P4HA2: variants seen among roughly 807,000 people sequenced by gnomAD.
The protein encoded by P4HA2 is prolyl 4-hydroxylase subunit alpha 2.
A neutral mutation model predicts 76.9 loss-of-function variants in P4HA2; 46 were observed. The ratio of observed to expected loss-of-function variants is 0.60; its 90% CI spans 0.47 to 0.76. P4HA2 has a LOEUF of 0.76. Among genes scored for constraint, P4HA2 ranks in the 30% least tolerant of loss-of-function variants. The pLI is 0.00. For missense variants in P4HA2, 583 were observed against 669.4 expected, an observed-to-expected ratio of 0.87 and a Z score of 1.42; for synonymous variants, 243 against 254.0, an observed-to-expected ratio of 0.96 and a Z score of 0.41.
At chr5:132,196,238 A>G (rs1750627281) in intron 12 of P4HA2, among the ~76,000 whole-genome samples, 1 of 152,192 alleles carries the variant, frequency 6.6e-6, no homozygotes, top group Non-Finnish European at 1.5e-5. Flanking sequence ...TACTTGACAG[A>G]CATATGGTAA....
intron 7 of P4HA2, among the ~76,000 whole-genome samples, chr5:132,208,362 G>GGGA: frequency 1.1e-5 from 1 of 93,544 alleles, no homozygotes; most frequent in Non-Finnish European, 2.2e-5. Context: ...AGGGAGGGAG[G>GGGA]GAGGGGAGGA....
intron 10 of P4HA2, chr5:132,201,699 C>T (rs1195880924): frequency 6.6e-6 from 1 of 152,218 alleles, no homozygotes; most frequent in Non-Finnish European, 1.5e-5. Context: ...AGAGGTCTGG[C>T]ATTCGGGCCC....
Position 132,210,450 on chromosome 5 carries a change from G to A in P4HA2, c.543C>T (p.Asp181=), listed in dbSNP as rs754432042. 9.9e-6 allele frequency: 16 copies of A among 1,613,986 alleles called. No individual in the cohort carries two copies. In the South Asian group the frequency reaches 1.6e-4, roughly 17 times the overall value. ...GMGRSAYNEG[D]YYHTVLWMEQ... ...CCATCCACAACACCGTATGATAATA[G>A]TCCCCTTCATTGTAGGCCGAGCGGC... The change falls in exon 6 of 15, where the codon GAC becomes GAT. Residue 181 remains aspartate (D), a synonymous_variant. Transcript: ENST00000360568.
At chr5:132,213,451 G>C (rs1753376404) in intron 5 of P4HA2, among the ~76,000 whole-genome samples, 1 of 152,188 alleles carries the variant, frequency 6.6e-6, no homozygotes, top group Non-Finnish European at 1.5e-5. Context: ...GTTAAGATGA[G>C]CAAGAATAGA....
chr5:132,208,431 AGGAGAGGGGGGAAT>A (rs1351125060), intron 7 of P4HA2, among the ~76,000 whole-genome samples: 8 of 3,298 alleles, frequency 2.4e-3, no homozygotes, highest in East Asian at 7.8e-3. Flanking sequence ...GGGGGAGGGG[AGGAGAGGGGGGAAT>A]GGGGGGAGGG....
chr5:132,208,165 T>C (rs1003459441), intron 7 of P4HA2, among the ~76,000 whole-genome samples: 4 of 150,926 alleles, frequency 2.7e-5, no homozygotes, highest in African/African-American at 9.8e-5. Context: ...TGATGGTGCA[T>C]ACCTGTAGTC....
intron 10 of P4HA2, chr5:132,202,704 A>C (rs1381638860): frequency 2.0e-5 from 3 of 152,226 alleles, no homozygotes; most frequent in Admixed American, 1.3e-4. Context: ...ATACTTTAAT[A>C]AGGAGCTTTA....
intron 8 of P4HA2, among the ~76,000 whole-genome samples, chr5:132,205,230 C>A (rs545250053): frequency 5.1e-4 from 78 of 152,184 alleles, no homozygotes; most frequent in African/African-American, 1.8e-3. Flanking sequence ...GGGGAGGAGA[C>A]CACCTAGCTG....
At chr5:132,219,629 C>A (rs180746289) in intron 1 of P4HA2, among the ~76,000 whole-genome samples, 1 of 152,152 alleles carries the variant, frequency 6.6e-6, no homozygotes, top group African/African-American at 2.4e-5. Context: ...CTTCTTCCTG[C>A]CCTGCTTTTG....
intron 1 of P4HA2, among the ~76,000 whole-genome samples, chr5:132,219,916 C>A (rs1295497842): frequency 6.6e-6 from 1 of 152,144 alleles, no homozygotes; most frequent in African/African-American, 2.4e-5. Context: ...CAAATGGATC[C>A]TCTATCAGAA....
At chr5:132,219,401 G>C (rs984393345) in intron 1 of P4HA2, among the ~76,000 whole-genome samples, 1 of 152,200 alleles carries the variant, frequency 6.6e-6, no homozygotes, top group African/African-American at 2.4e-5. Context: ...AAATGAATAT[G>C]GCACACATGG....
rs566421527 is a variant in P4HA2 at position 132,191,787 on chromosome 5, G to A, written c.*1223C>T. On this transcript the variant is annotated 3_prime_UTR_variant, in exon 15 of 15. Transcript: ENST00000360568. ...AAATATGTGTTTATATGTGCACCAG[G>A]AATCATGTATAAAAATGTTTATCAC... The A allele has an allele frequency of 6.6e-6, 1 of 152,202 alleles. No homozygotes were observed. The highest frequency in any genetic ancestry group is 1.9e-4 in the East Asian group (1 of 5,174). 9.4% of individuals were successfully genotyped at this position (152,202 alleles called of 1,614,324 possible).
chr5:132,221,193 G>A (rs1405021169), intron 1 of P4HA2, among the ~76,000 whole-genome samples: 1 of 152,206 alleles, frequency 6.6e-6, no homozygotes, highest in Non-Finnish European at 1.5e-5. Context: ...CCTGCTGAGT[G>A]CCCCTACAAA....
rs372019532 is a variant in P4HA2, at chr5:132,204,131, C to T, written c.1102G>A (p.Asp368Asn). ...KPKLARATVR[D>N]PKTGVLTVAS... is the part of the protein sequence containing the mutation. ...ACAGTGAGGACTCCTGTCTTGGGAT[C>T]ACGAACGGTGGCTCGTGCAAGCTAG... The change falls in exon 9 of 15, where the codon GAT becomes AAT. Residue 368 changes from aspartate (D) to asparagine (N), a missense_variant. Physicochemically the swap from Asp to Asn is conservative, Grantham distance 23. Coordinates refer to ENST00000360568, the MANE Select transcript of P4HA2 (RefSeq NM_001017974.2). 1 of 1,613,798 alleles carries T rather than the reference C, an allele frequency of 6.2e-7. No individual in the cohort carries two copies. Among genetic ancestry groups the T allele is most frequent in the African/African-American group, 1.3e-5 (1 of 74,922 alleles).
At chr5:132,205,734 G>C (rs1313854584) in intron 8 of P4HA2, among the ~76,000 whole-genome samples, 2 of 152,126 alleles carry the variant, frequency 1.3e-5, no homozygotes, top group Non-Finnish European at 2.9e-5. Flanking sequence ...AGGACAGACG[G>C]CTCCCAAGCT....
At chr5:132,218,305 C>T (rs756407893) in intron 2 of P4HA2, among the ~76,000 whole-genome samples, 12 of 152,188 alleles carry the variant, frequency 7.9e-5, no homozygotes, top group Non-Finnish European at 1.8e-4. Context: ...CCAGAGAGCC[C>T]AAGTGCAGCC....
At chr5:132,223,446 A>C (rs1754906971) in intron 1 of P4HA2, among the ~76,000 whole-genome samples, 1 of 152,160 alleles carries the variant, frequency 6.6e-6, no homozygotes, top group Non-Finnish European at 1.5e-5. Flanking sequence ...TATTTTTAGT[A>C]GAGATGGGGT....
At position 132,210,424 on chromosome 5, in the gene P4HA2, T is replaced by C; in HGVS notation, c.569A>G (p.Glu190Gly). ...GDYYHTVLWM[E>G]QVLKQLDAGE... ...GGCATCAAGCTGCTTTAGCACCTGC[T>C]CCATCCACAACACCGTATGATAATA... The change falls in exon 6 of 15, where the codon GAG becomes GGG. Residue 190 changes from glutamate to glycine, a missense_variant. Glu to Gly is a moderately conservative substitution (Grantham distance 98). Transcript: ENST00000360568. The C allele has an allele frequency of 6.2e-7, 1 of 1,614,108 alleles. No individual in the cohort carries two copies. The highest frequency in any genetic ancestry group is 8.5e-7 in the Non-Finnish European group (1 of 1,180,016).
chr5:132,196,889 G>C (rs1310600624), intron 12 of P4HA2, among the ~76,000 whole-genome samples: 2 of 143,388 alleles, frequency 1.4e-5, no homozygotes, highest in African/African-American at 5.3e-5. Context: ...AGATAAAGAA[G>C]AATCTCTCTG....
Sources: gnomAD v4.1 joint callset for allele counts (sites outside exome capture counted in the v4.1 genomes callset) on GRCh38, gnomAD v4.1.1 for gene constraint, MANE v1.5 for transcripts, NCBI Gene and HGNC (gene_info 2026-07-23, HGNC 2026-07-21) for gene names.